PDE1A: variants seen among roughly 807,000 people sequenced by gnomAD.
PDE1A encodes phosphodiesterase 1A, also known as dual specificity calcium/calmodulin-dependent 3',5'-cyclic nucleotide phosphodiesterase 1A.
A neutral mutation model predicts 61.7 loss-of-function variants in PDE1A; 35 were observed. The observed-to-expected ratio is 0.57, with a 90% CI of 0.43 to 0.75. The LOEUF (loss-of-function observed/expected upper bound fraction) is 0.75. Ranked by LOEUF, PDE1A falls within the 30% of genes least tolerant of loss-of-function variation. The pLI is 0.00. For missense variants in PDE1A, 597 were observed against 630.6 expected (o/e 0.95, Z 0.57); for synonymous variants, 232 against 213.2 (o/e 1.09, Z -0.77).
At chr2:182,445,607 A>G (rs1560371) in intron 2 of PDE1A, among the ~76,000 whole-genome samples, 58,721 of 151,924 alleles carry the variant, frequency 0.39, 12,016 homozygotes, top group East Asian at 0.66. Context: ...AGGAAAATAC[A>G]TAACACAGGA....
intron 2 of PDE1A, among the ~76,000 whole-genome samples, chr2:182,494,256 C>T (rs565444661): frequency 6.6e-6 from 1 of 151,450 alleles, no homozygotes; most frequent in African/African-American, 2.4e-5. Context: ...TTTGTTCTCT[C>T]ATCTAAATGT....
intron 1 of PDE1A, among the ~76,000 whole-genome samples, chr2:182,296,507 T>C (rs1694895823): frequency 6.6e-6 from 1 of 152,206 alleles, no homozygotes; most frequent in Non-Finnish European, 1.5e-5. Flanking sequence ...TAGGTATAGA[T>C]ACCGATATAG....
At chr2:182,253,470 T>C (rs1163419296) in intron 2 of PDE1A, among the ~76,000 whole-genome samples, 1 of 152,130 alleles carries the variant, frequency 6.6e-6, no homozygotes, top group East Asian at 1.9e-4. Flanking sequence ...ACTGTAAGTA[T>C]CAGATGTAGA....
chr2:182,379,712 C>T (rs1262378695), intron 1 of PDE1A, among the ~76,000 whole-genome samples: 1 of 152,118 alleles, frequency 6.6e-6, no homozygotes, highest in East Asian at 1.9e-4. Context: ...TAAAGATATG[C>T]ATGTATTTAT....
chr2:182,227,133 A>T (rs1689206592), intron 6 of PDE1A, among the ~76,000 whole-genome samples: 1 of 152,054 alleles, frequency 6.6e-6, no homozygotes, highest in South Asian at 2.1e-4. Flanking sequence ...TCAACGGATC[A>T]CAATAGCATT....
chr2:182,208,486 A>C (rs932001665), intron 7 of PDE1A, among the ~76,000 whole-genome samples: 6 of 152,304 alleles, frequency 3.9e-5, no homozygotes, highest in Non-Finnish European at 7.4e-5. Context: ...CCTCCCTCAA[A>C]ACATGGGGAT....
intron 2 of PDE1A, among the ~76,000 whole-genome samples, chr2:182,467,520 T>C (rs1476147520): frequency 1.3e-5 from 2 of 151,782 alleles, no homozygotes; most frequent in East Asian, 3.9e-4. Context: ...TTTCAGAGAG[T>C]AGAGTATTAG....
chr2:182,421,214 T>C (rs1354246143), intron 1 of PDE1A, among the ~76,000 whole-genome samples: 2 of 152,172 alleles, frequency 1.3e-5, no homozygotes, highest in African/African-American at 4.8e-5. Context: ...ATAATCTTAA[T>C]TTTCCTTATT....
At chr2:182,516,332 T>G (rs1048415343) in intron 2 of PDE1A, among the ~76,000 whole-genome samples, 2 of 152,158 alleles carry the variant, frequency 1.3e-5, no homozygotes, top group African/African-American at 2.4e-5. Flanking sequence ...TACTTTTTCT[T>G]CTGCCTCTCT....
chr2:182,403,598 C>CAAAAAAAAA (rs548993514), intron 1 of PDE1A, among the ~76,000 whole-genome samples: 29 of 77,540 alleles, frequency 3.7e-4, no homozygotes, highest in Admixed American at 8.7e-4. Context: ...GACTCCGTCT[C>CAAAAAAAAA]AAAAAAAAAA....
intron 10 of PDE1A, among the ~76,000 whole-genome samples, chr2:182,189,333 C>G (rs1685498741): frequency 6.6e-6 from 1 of 152,124 alleles, no homozygotes; most frequent in Non-Finnish European, 1.5e-5. Flanking sequence ...TTTTAAGAAA[C>G]AAACATTTGC....
intron 2 of PDE1A, among the ~76,000 whole-genome samples, chr2:182,261,785 T>C (rs1692234745): frequency 3.3e-5 from 5 of 152,186 alleles, no homozygotes; most frequent in Admixed American, 3.3e-4. Flanking sequence ...AAATAAAGCA[T>C]ATAATAATCT....
chr2:182,542,559 G>T, the PDE1A span, among the ~76,000 whole-genome samples: 2 of 152,072 alleles, frequency 1.3e-5, no homozygotes, highest in African/African-American at 2.4e-5. Flanking sequence ...TATTTTATTT[G>T]TATTTCCAGT....
chr2:182,374,825 G>T (rs951168637), intron 1 of PDE1A, among the ~76,000 whole-genome samples: 1 of 152,144 alleles, frequency 6.6e-6, no homozygotes, highest in East Asian at 1.9e-4. Context: ...ACCCAAGACT[G>T]GGCAATTTAC....
the PDE1A span, among the ~76,000 whole-genome samples, chr2:182,628,438 T>G: frequency 5.3e-5 from 8 of 152,182 alleles, no homozygotes. Flanking sequence ...TCCTTTAATT[T>G]TAATACATAA....
intron 1 of PDE1A, among the ~76,000 whole-genome samples, chr2:182,405,037 C>A (rs1702224792): frequency 6.6e-6 from 1 of 152,160 alleles, no homozygotes; most frequent in Non-Finnish European, 1.5e-5. Context: ...GGTTTGTTTA[C>A]ATCAGCATCA....
At chr2:182,238,602 T>C (rs906445654) in intron 3 of PDE1A, among the ~76,000 whole-genome samples, 1 of 152,236 alleles carries the variant, frequency 6.6e-6, no homozygotes, top group Non-Finnish European at 1.5e-5. Context: ...TGATTACTTT[T>C]GAAAATTTCC....
the PDE1A span, among the ~76,000 whole-genome samples, chr2:182,605,245 AC>A: frequency 6.6e-6 from 1 of 152,032 alleles, no homozygotes; most frequent in African/African-American, 2.4e-5. Flanking sequence ...CTGTGGTACT[AC>A]CCATCAGGGC....
At chr2:182,700,981 C>A in the PDE1A span, among the ~76,000 whole-genome samples, 1 of 151,816 alleles carries the variant, frequency 6.6e-6, no homozygotes, top group East Asian at 1.9e-4. Context: ...TAAAAAAAAT[C>A]TTTCCTGAAT....
Sources: allele counts gnomAD v4.1 joint callset (sites outside exome capture counted in the v4.1 genomes callset), GRCh38; gene constraint gnomAD v4.1.1; transcripts MANE v1.5; gene names NCBI Gene and HGNC (gene_info 2026-07-23, HGNC 2026-07-21).